Variants in ZMAT4 observed in about 807,000 individuals in gnomAD.
The protein encoded by ZMAT4 is zinc finger matrin-type protein 4.
Under a neutral mutation model 28.7 loss-of-function variants are expected in ZMAT4, and 17 were observed. The ratio of observed to expected loss-of-function variants is 0.59; its 90% CI spans 0.41 to 0.89. ZMAT4 has a LOEUF of 0.89. ZMAT4 is among the 40% of genes least tolerant of loss of function. The pLI, the probability that ZMAT4 is intolerant of heterozygous loss-of-function variation, is 0.00. For synonymous variants in ZMAT4, 117 were observed against 109.2 expected (o/e 1.07, Z -0.44); for missense variants, 240 against 283.8 (o/e 0.85, Z 1.11).
chr8:40,746,349 T>C (rs1812231211), intron 3 of ZMAT4, among the ~76,000 whole-genome samples: 1 of 141,940 alleles, frequency 7.0e-6, no homozygotes, highest in Non-Finnish European at 1.5e-5. Context: ...TCCTTTCCTT[T>C]CCTTCCCTTT....
At chr8:40,616,891 A>G (rs1806028129) in intron 5 of ZMAT4, among the ~76,000 whole-genome samples, 1 of 152,162 alleles carries the variant, frequency 6.6e-6, no homozygotes, top group Non-Finnish European at 1.5e-5. Flanking sequence ...TATAAAAAAA[A>G]AAAAAAAAGC....
intron 5 of ZMAT4, among the ~76,000 whole-genome samples, chr8:40,649,380 A>G (rs529542643): frequency 0.012 from 1,869 of 152,286 alleles, 13 homozygotes; most frequent in Middle Eastern, 0.068. Context: ...GCTAACTATC[A>G]TAAATATATA....
intron 1 of ZMAT4, among the ~76,000 whole-genome samples, chr8:40,863,115 C>T (rs944552618): frequency 6.6e-6 from 1 of 152,004 alleles, no homozygotes. Flanking sequence ...AGACCGGAGG[C>T]TGGAATAGCA....
chr8:40,557,295 T>C (rs190643406), intron 6 of ZMAT4, among the ~76,000 whole-genome samples: 1 of 152,260 alleles, frequency 6.6e-6, no homozygotes, highest in African/African-American at 2.4e-5. Context: ...TCTTCAGCCA[T>C]AAAAAGAATA....
At chr8:40,717,672 C>CA (rs1256261303) in intron 3 of ZMAT4, among the ~76,000 whole-genome samples, 1 of 151,262 alleles carries the variant, frequency 6.6e-6, no homozygotes, top group Non-Finnish European at 1.5e-5. Context: ...AAAAAGCAAA[C>CA]AAAAAAATTA....
chr8:40,862,177 C>A (rs1817517521), intron 1 of ZMAT4, among the ~76,000 whole-genome samples: 1 of 152,102 alleles, frequency 6.6e-6, no homozygotes. Context: ...ACCCAAATGT[C>A]CATCAATGAT....
At chr8:40,787,787 G>T (rs117141954) in intron 2 of ZMAT4, among the ~76,000 whole-genome samples, 1 of 152,158 alleles carries the variant, frequency 6.6e-6, no homozygotes, top group African/African-American at 2.4e-5. Flanking sequence ...CAGCCAGGGC[G>T]GGATGAACCT....
chr8:40,669,435 G>A (rs572911143), intron 5 of ZMAT4, among the ~76,000 whole-genome samples: 81 of 151,790 alleles, frequency 5.3e-4, no homozygotes, highest in African/African-American at 1.7e-3. Flanking sequence ...AAGTTACACC[G>A]AGAGTGCCTG....
At chr8:40,590,828 A>G (rs2118579330) in intron 5 of ZMAT4, among the ~76,000 whole-genome samples, 1 of 151,886 alleles carries the variant, frequency 6.6e-6, no homozygotes, top group Middle Eastern at 3.4e-3. Context: ...CCACATCTTT[A>G]TTTTCTCTTT....
At chr8:40,687,838 A>G (rs964013052) in intron 4 of ZMAT4, among the ~76,000 whole-genome samples, 1 of 152,236 alleles carries the variant, frequency 6.6e-6, no homozygotes, top group Non-Finnish European at 1.5e-5. Flanking sequence ...TGAAGATGCT[A>G]ATGATTAGCA....
At chr8:40,875,361 G>A (rs77005013) in intron 1 of ZMAT4, among the ~76,000 whole-genome samples, 1,622 of 152,176 alleles carry the variant, frequency 0.011, 28 homozygotes, top group African/African-American at 0.037. Flanking sequence ...TTTAAGACAA[G>A]CGCATGTTGA....
At chr8:40,758,736 C>T (rs1444295061) in intron 3 of ZMAT4, among the ~76,000 whole-genome samples, 1 of 151,852 alleles carries the variant, frequency 6.6e-6, no homozygotes, top group Non-Finnish European at 1.5e-5. Context: ...AGGATTTTGA[C>T]CCTTCAGAGT....
At chr8:40,639,770 T>C (rs966887631) in intron 5 of ZMAT4, among the ~76,000 whole-genome samples, 4 of 36,578 alleles carry the variant, frequency 1.1e-4, no homozygotes, top group African/African-American at 2.7e-4. Context: ...AGTCCTTTTG[T>C]TACACACACA....
intron 5 of ZMAT4, among the ~76,000 whole-genome samples, chr8:40,637,665 T>G (rs1286274540): frequency 6.6e-6 from 1 of 152,206 alleles, no homozygotes; most frequent in Non-Finnish European, 1.5e-5. Context: ...ATTCAGACCA[T>G]GATGACAACT....
At chr8:40,683,581 G>A (rs1305119863) in intron 4 of ZMAT4, among the ~76,000 whole-genome samples, 1 of 152,136 alleles carries the variant, frequency 6.6e-6, no homozygotes, top group Non-Finnish European at 1.5e-5. Context: ...TGATTTCTGT[G>A]AAACTGGGTT....
chr8:40,601,468 G>GAAAGAAAAAAGAAAGAAAGAAA (rs1563359930), intron 5 of ZMAT4, among the ~76,000 whole-genome samples: 14 of 19,972 alleles, frequency 7.0e-4, no homozygotes, highest in African/African-American at 2.3e-3. Flanking sequence ...GAGGAAGAAA[G>GAAAGAAAAAAGAAAGAAAGAAA]GAAAGAAAGA....
At chr8:40,677,041 C>T (rs1808940311) in intron 4 of ZMAT4, among the ~76,000 whole-genome samples, 1 of 152,262 alleles carries the variant, frequency 6.6e-6, no homozygotes, top group South Asian at 2.1e-4. Flanking sequence ...CAATGGAAAA[C>T]ATATCAAATG....
At chr8:40,833,652 C>A (rs1442099427) in intron 1 of ZMAT4, among the ~76,000 whole-genome samples, 1 of 151,774 alleles carries the variant, frequency 6.6e-6, no homozygotes, top group African/African-American at 2.4e-5. Context: ...GTCTGACCCC[C>A]ACTCCCGGGA....
chr8:40,812,534 A>T (rs1309007182), intron 2 of ZMAT4, among the ~76,000 whole-genome samples: 1 of 152,254 alleles, frequency 6.6e-6, no homozygotes, highest in African/African-American at 2.4e-5. Context: ...CAGAGACATG[A>T]TGCAAAATAT....
Sources: gnomAD v4.1 joint callset for allele counts (sites outside exome capture counted in the v4.1 genomes callset) on GRCh38, gnomAD v4.1.1 for gene constraint, MANE v1.5 for transcripts, NCBI Gene and HGNC (gene_info 2026-07-23, HGNC 2026-07-21) for gene names.